The following ADGRV1 variants were observed in gnomAD, a reference collection of about 807,000 sequenced individuals.
ADGRV1 encodes the protein G-protein coupled receptor 98.
ADGRV1 carries 359 observed loss-of-function variants against 596.2 expected under a neutral mutation model. The observed-to-expected ratio is 0.60, with a 90% CI of 0.55 to 0.66. ADGRV1 has a LOEUF of 0.66. ADGRV1 is among the 30% of genes least tolerant of loss of function. The pLI is 0.00. For missense variants in ADGRV1, 7,274 were observed against 7,575.6 expected (o/e 0.96, Z 1.48); for synonymous variants, 2,681 against 2,679.2 (o/e 1.00, Z -0.02).
intron 12 of ADGRV1, 33 bp from the exon 13 acceptor site, chr5:90,642,823 A>C: frequency 6.2e-7 from 1 of 1,601,214 alleles, no homozygotes; most frequent in South Asian, 1.1e-5. Flanking sequence ...ATGATCTCAA[A>C]GGGTTTCAAC....
At chr5:91,021,455 G>C (rs1783626580) in intron 85 of ADGRV1, among the ~76,000 whole-genome samples, 1 of 152,198 alleles carries the variant, frequency 6.6e-6, no homozygotes, top group East Asian at 1.9e-4. Context: ...GGTTTAATGA[G>C]CTCAGTTTTA....
At chr5:90,572,604 G>A (rs997417990) in intron 1 of ADGRV1, among the ~76,000 whole-genome samples, 1 of 152,192 alleles carries the variant, frequency 6.6e-6, no homozygotes, top group Admixed American at 6.5e-5. Context: ...TCAATAAATG[G>A]TGTTGGTATA....
At chr5:90,578,789 G>A (rs571576854) in intron 1 of ADGRV1, among the ~76,000 whole-genome samples, 2 of 152,128 alleles carry the variant, frequency 1.3e-5, no homozygotes, top group African/African-American at 4.8e-5. Flanking sequence ...TAATTTCAGA[G>A]CCTGTTATTG....
intron 1 of ADGRV1, among the ~76,000 whole-genome samples, chr5:90,571,703 G>T (rs562991053): frequency 6.6e-6 from 1 of 152,296 alleles, no homozygotes; most frequent in Non-Finnish European, 1.5e-5. Flanking sequence ...ACAACTCTGT[G>T]AATTGGGCTT....
rs745369639 is a variant in ADGRV1 at position 90,675,433 on chromosome 5, T to C, written c.5301T>C (p.Pro1767=). The C allele has an allele frequency of 1.2e-6, 2 of 1,613,124 alleles. No individual in the cohort carries two copies. Among genetic ancestry groups the C allele is most frequent in the East Asian group, 4.5e-5 (2 of 44,872 alleles). ...FRTVSLTAFS[P]EDYQNVAGTL... Reference sequence around the variant, plus strand: ...CAGTGTCCTTGACAGCATTCAGTCCTGAGGATTACCAGGTAATTTACTCAG... The same window carrying C: ...CAGTGTCCTTGACAGCATTCAGTCCCGAGGATTACCAGGTAATTTACTCAG... The change falls in exon 24 of 90, where the codon CCT becomes CCC. Residue 1767 remains proline, a synonymous_variant. Transcript: ENST00000405460.
At chr5:91,031,381 G>T in intron 85 of ADGRV1, 1 of 1,109,896 alleles carries the variant, frequency 9.0e-7, no homozygotes, top group Non-Finnish European at 1.4e-6. Flanking sequence ...TCATCATTCT[G>T]CATGCTCTGT....
intron 79 of ADGRV1, 67 bp from the exon 80 acceptor site, chr5:90,853,217 A>C: frequency 3.5e-6 from 5 of 1,447,962 alleles, no homozygotes; most frequent in Non-Finnish European, 4.7e-6. Context: ...GCACTTTAAC[A>C]AATATAAGTG....
chr5:90,931,209 A>T (rs888741156), intron 83 of ADGRV1: 2 of 152,310 alleles, frequency 1.3e-5, no homozygotes, highest in African/African-American at 4.8e-5. Flanking sequence ...ACAGCAGTTT[A>T]AGATGACTGG....
chr5:91,086,609 A>G lies in ADGRV1; in HGVS notation c.18310+14005A>G, dbSNP rs551886892. On this transcript the variant is annotated intron_variant, in intron 86 of 89. Transcript: ENST00000405460. ...GAATCTCTGGTGATGAAGTCCCACA[A>G]TCTGTATATTTTTAAGCTCTCTTAC... 3.9e-5 allele frequency among the ~76,000 whole-genome samples: 6 copies of G among 152,232 alleles called. No homozygotes were observed. In the East Asian group the frequency reaches 1.2e-3, roughly 29 times the overall value.
At chr5:90,724,655 T>C (rs1477385510) in intron 45 of ADGRV1, among the ~76,000 whole-genome samples, 177 bp from the exon 46 acceptor site, 1 of 152,232 alleles carries the variant, frequency 6.6e-6, no homozygotes, top group Non-Finnish European at 1.5e-5. Context: ...ACAAATTCAT[T>C]ATTTGTAGTT....
intron 1 of ADGRV1, among the ~76,000 whole-genome samples, chr5:90,595,893 C>T (rs1162956260): frequency 5.3e-5 from 8 of 149,860 alleles, no homozygotes; most frequent in African/African-American, 1.7e-4. Flanking sequence ...GGGGCTGACC[C>T]CCCCCACCTC....
intron 83 of ADGRV1, among the ~76,000 whole-genome samples, chr5:90,870,105 G>A (rs1230011661): frequency 1.3e-5 from 2 of 152,140 alleles, no homozygotes; most frequent in African/African-American, 2.4e-5. Context: ...CCATAGCATG[G>A]AGATTTAGAT....
chr5:90,716,859 T>A, intron 43 of ADGRV1, 130 bp downstream of exon 43: 1 of 661,986 alleles, frequency 1.5e-6, no homozygotes, highest in East Asian at 2.7e-5. Context: ...GACAAAGACA[T>A]GATTCATTTA....
At chr5:91,126,023 T>C in intron 87 of ADGRV1, among the ~76,000 whole-genome samples, 1 of 152,240 alleles carries the variant, frequency 6.6e-6, no homozygotes, top group East Asian at 1.9e-4. Context: ...TATAGTAACA[T>C]CTTCTGATGC....
At chr5:90,645,930 T>A (rs1337216236) in intron 15 of ADGRV1, 38 bp from the exon 16 acceptor site, 9 of 1,525,568 alleles carry the variant, frequency 5.9e-6, no homozygotes, top group Non-Finnish European at 7.1e-6. Context: ...TTTATATGTA[T>A]AAGTCACCTG....
rs549220963 is a variant in ADGRV1 at position 90,639,146 on chromosome 5, T to A, written c.2240+1198T>A. Among the ~76,000 whole-genome samples the A allele has an allele frequency of 8.5e-4, 129 of 152,048 alleles. 1 individual carries two copies. Among genetic ancestry groups the A allele is most frequent in the Non-Finnish European group, 1.5e-3 (104 of 67,930 alleles). On this transcript the variant is annotated intron_variant, in intron 11 of 89. Coordinates refer to ENST00000405460, the MANE Select transcript of ADGRV1 (RefSeq NM_032119.4). ...GTCTAGATGACTTATGGTTTTAATA[T>A]ATGTTTCAGACTCGATCTTAAGAAA...
intron 76 of ADGRV1, among the ~76,000 whole-genome samples, chr5:90,827,332 T>G (rs543718437): frequency 2.0e-4 from 30 of 152,296 alleles, no homozygotes; most frequent in South Asian, 6.2e-4. Flanking sequence ...TTCAGAAATA[T>G]TGTTTCAATA....
intron 64 of ADGRV1, 157 bp downstream of exon 64, chr5:90,779,254 A>G (rs928391265): frequency 5.6e-5 from 25 of 442,582 alleles, no homozygotes; most frequent in African/African-American, 4.4e-4. Flanking sequence ...AAGGGAAATT[A>G]TGACAATGAC....
intron 87 of ADGRV1, among the ~76,000 whole-genome samples, chr5:91,107,302 A>T (rs971480495): frequency 5.3e-5 from 8 of 152,212 alleles, no homozygotes; most frequent in African/African-American, 1.9e-4. Context: ...ACAAGAACCA[A>T]CAAAGGAGAA....
Sources: allele counts gnomAD v4.1 joint callset (sites outside exome capture counted in the v4.1 genomes callset), GRCh38; gene constraint gnomAD v4.1.1; transcripts MANE v1.5; gene names NCBI Gene and HGNC (gene_info 2026-07-23, HGNC 2026-07-21).